The following NTF3 variants were observed in gnomAD, a reference collection of about 807,000 sequenced individuals.
NTF3 encodes the protein neurotrophin 3, also known as neurotrophin-3.
In NTF3, 8 loss-of-function variants were observed where a neutral mutation model predicts 26.3. The observed-to-expected ratio is 0.30, with a 90% CI of 0.18 to 0.55. The LOEUF (loss-of-function observed/expected upper bound fraction) is 0.55. Ranked by LOEUF, NTF3 falls within the 20% of genes least tolerant of loss-of-function variation. The pLI, the probability that NTF3 is intolerant of heterozygous loss-of-function variation, is 0.93. For missense variants in NTF3, 276 were observed against 352.9 expected (o/e 0.78, Z 1.75); for synonymous variants, 154 against 145.5 (o/e 1.06, Z -0.42).
At chr12:5,487,119 C>A (rs1366963745) in intron 1 of NTF3, among the ~76,000 whole-genome samples, 2 of 152,176 alleles carry the variant, frequency 1.3e-5, no homozygotes, top group Non-Finnish European at 2.9e-5. Flanking sequence ...TAAAGTAAAC[C>A]TGAGTTTCCT....
At position 5,456,994 on chromosome 12, in the gene NTF3, A is replaced by C. The variant is rs1001815509; in HGVS notation, c.18+24652A>C. Among the ~76,000 whole-genome samples, 2 of 152,160 alleles carry C rather than the reference A, an allele frequency of 1.3e-5. No individual in the cohort carries two copies. Among genetic ancestry groups the C allele is most frequent in the Non-Finnish European group, 2.9e-5 (2 of 68,020 alleles). Reference sequence around the variant, plus strand: ...TGCCCGTCCCCAGGTCCACAGGCTCACAGAGCAGACACGGTCTGTGCCTGG... The same window carrying C: ...TGCCCGTCCCCAGGTCCACAGGCTCCCAGAGCAGACACGGTCTGTGCCTGG... On this transcript the variant is annotated intron_variant, in intron 1 of 1. Transcript: ENST00000423158. The surrounding 1 kb of genome is among the most constrained non-coding windows in gnomAD (Gnocchi z 4.4).
At position 5,494,083 on chromosome 12, in the gene NTF3, G is replaced by A; in HGVS notation, c.19-111G>A. On this transcript the variant is annotated intron_variant, in intron 1 of 1. Coordinates refer to ENST00000423158, the MANE Select transcript of NTF3 (RefSeq NM_001102654.2). This position sits in a 1 kb window ranked among gnomAD's most constrained non-coding sequence, Gnocchi z 8.3. ...GAGTTGCCTTGCTTACCTGGGGGGC[G>A]GTACCCTCTCTCGTGCCCTCACAGG... 3 of 966,422 alleles carry A rather than the reference G, an allele frequency of 3.1e-6. No individual in the cohort carries two copies. Among genetic ancestry groups the A allele is most frequent in the Non-Finnish European group, 3.1e-6 (2 of 649,488 alleles). 59.9% of individuals were successfully genotyped at this position (966,422 alleles called of 1,614,324 possible).
At chr12:5,471,565 G>A (rs1431500228) in intron 1 of NTF3, among the ~76,000 whole-genome samples, 1 of 151,778 alleles carries the variant, frequency 6.6e-6, no homozygotes, top group East Asian at 1.9e-4. Flanking sequence ...GCTGTTTATT[G>A]CAGGCATCTC....
At chr12:5,444,397 C>T (rs1940278428) in intron 1 of NTF3, among the ~76,000 whole-genome samples, 1 of 152,170 alleles carries the variant, frequency 6.6e-6, no homozygotes, top group Admixed American at 6.5e-5. Context: ...CAGGAGTCCC[C>T]AGCAACAGAT....
At chr12:5,476,272 G>A (rs1940722919) in intron 1 of NTF3, among the ~76,000 whole-genome samples, 1 of 152,194 alleles carries the variant, frequency 6.6e-6, no homozygotes, top group African/African-American at 2.4e-5. Context: ...AGATTCGTAG[G>A]TGGAGTTAGA....
rs1008566055 is a variant in NTF3 at position 5,433,399 on chromosome 12, G to A, written c.18+1057G>A. 1 of 152,466 alleles carries A rather than the reference G, an allele frequency of 6.6e-6. No homozygotes were observed. The highest frequency in any genetic ancestry group is 1.5e-5 in the Non-Finnish European group (1 of 68,222). 9.4% of individuals were successfully genotyped at this position (152,466 alleles called of 1,614,324 possible). Reference sequence around the variant, plus strand: ...TGCCCCAGAGCTTTACTCAGTGGTGGATGCTCCTGATGAAATTTGGGACGC... The same window carrying A: ...TGCCCCAGAGCTTTACTCAGTGGTGAATGCTCCTGATGAAATTTGGGACGC... On this transcript the variant is annotated intron_variant, in intron 1 of 1. Transcript: ENST00000423158. The surrounding 1 kb of genome is among the most constrained non-coding windows in gnomAD (Gnocchi z 4.6).
chr12:5,431,654 G>A (rs1297312879), upstream of NTF3, among the ~76,000 whole-genome samples: 1 of 151,994 alleles, frequency 6.6e-6, no homozygotes. Context: ...TGATCCTCCT[G>A]AGGAAAAAGG....
intron 1 of NTF3, among the ~76,000 whole-genome samples, chr12:5,464,077 A>G (rs1345344818): frequency 1.3e-5 from 2 of 152,106 alleles, no homozygotes; most frequent in Non-Finnish European, 2.9e-5. Flanking sequence ...TACCCTTTAC[A>G]CTGGTGTAAC....
chr12:5,476,236 G>A (rs1258097383), intron 1 of NTF3, among the ~76,000 whole-genome samples: 1 of 152,114 alleles, frequency 6.6e-6, no homozygotes, highest in Non-Finnish European at 1.5e-5. Flanking sequence ...TAAAGTATCT[G>A]GTCTCCTCAG....
rs75100954 is a variant in NTF3 at position 5,474,989 on chromosome 12, T to C, written c.19-19205T>C. 2.6e-3 allele frequency among the ~76,000 whole-genome samples: 391 copies of C among 152,222 alleles called. 2 individuals are homozygous for C. The highest frequency in any genetic ancestry group is 9.2e-3 in the African/African-American group (382 of 41,536). On this transcript the variant is annotated intron_variant, in intron 1 of 1. Coordinates refer to ENST00000423158, the MANE Select transcript of NTF3 (RefSeq NM_001102654.2). ...GACTTCAGCTTTGGATATAGCACCC[T>C]TGAGATTCCTCTGCAGTTCAGGTGG... is the stretch of plus-strand genomic sequence containing the variant.
At position 5,433,391 on chromosome 12, in the gene NTF3, C is replaced by G. The variant is rs1047886312; in HGVS notation, c.18+1049C>G. The G allele has an allele frequency of 6.6e-6, 1 of 152,486 alleles. No individual in the cohort carries two copies. Among genetic ancestry groups the G allele is most frequent in the Admixed American group, 6.5e-5 (1 of 15,314 alleles). 9.4% of individuals were successfully genotyped at this position (152,486 alleles called of 1,614,324 possible). The stretch of plus-strand genomic sequence containing the variant: ...TGTCCCATTGCCCCAGAGCTTTACT[C>G]AGTGGTGGATGCTCCTGATGAAATT... On this transcript the variant is annotated intron_variant, in intron 1 of 1. Coordinates refer to ENST00000423158, the MANE Select transcript of NTF3 (RefSeq NM_001102654.2). The surrounding 1 kb of genome is among the most constrained non-coding windows in gnomAD (Gnocchi z 4.6).
At chr12:5,442,287 C>T (rs1940247238) in intron 1 of NTF3, among the ~76,000 whole-genome samples, 1 of 152,228 alleles carries the variant, frequency 6.6e-6, no homozygotes, top group East Asian at 1.9e-4. Flanking sequence ...ATGGTCTCCG[C>T]TTCCACATGA....
chr12:5,441,099 A>G (rs2121145898), intron 1 of NTF3, among the ~76,000 whole-genome samples: 1 of 152,288 alleles, frequency 6.6e-6, no homozygotes, highest in African/African-American at 2.4e-5. Context: ...AATCAGAGAG[A>G]TCCCAAACTC....
intron 1 of NTF3, among the ~76,000 whole-genome samples, chr12:5,475,195 A>G (rs1358219429): frequency 6.6e-6 from 1 of 152,166 alleles, no homozygotes. Flanking sequence ...TATGGAAAGA[A>G]TGCAAGGGAA....
At chr12:5,468,454 G>A (rs541202637) in intron 1 of NTF3, among the ~76,000 whole-genome samples, 19 of 152,244 alleles carry the variant, frequency 1.2e-4, no homozygotes, top group African/African-American at 4.1e-4. Flanking sequence ...TGTATCCAGC[G>A]AGGGGGCATT....
At chr12:5,475,950 GA>G (rs1211834291) in intron 1 of NTF3, among the ~76,000 whole-genome samples, 4 of 151,980 alleles carry the variant, frequency 2.6e-5, no homozygotes, top group Admixed American at 6.6e-5. Context: ...GAAAAGAGAA[GA>G]AAAGACAAGA....
chr12:5,431,974 CTG>C, upstream of NTF3: 2 of 148,886 alleles, frequency 1.3e-5, no homozygotes, highest in Admixed American at 1.3e-4. Context: ...GGGGGGGGCT[CTG>C]GGGCGCGGGC....
chr12:5,478,629 C>G (rs1051678276), intron 1 of NTF3, among the ~76,000 whole-genome samples: 1 of 152,354 alleles, frequency 6.6e-6, no homozygotes, highest in Non-Finnish European at 1.5e-5. Flanking sequence ...CTTGAAGGAA[C>G]TTTTTGGAGT....
chr12:5,448,136 G>T (rs1210182912), intron 1 of NTF3, among the ~76,000 whole-genome samples: 10 of 152,202 alleles, frequency 6.6e-5, no homozygotes. Context: ...CATGAGAATG[G>T]ATCTGGTTGC....
Sources: gnomAD v4.1 joint callset for allele counts (sites outside exome capture counted in the v4.1 genomes callset) on GRCh38, gnomAD v4.1.1 for gene constraint, Gnocchi (gnomAD v3.1) non-coding constraint, MANE v1.5 for transcripts, NCBI Gene and HGNC (gene_info 2026-07-23, HGNC 2026-07-21) for gene names.